SHISA6: variants seen among roughly 807,000 people sequenced by gnomAD.
SHISA6 encodes protein shisa-6.
A neutral mutation model predicts 47.9 loss-of-function variants in SHISA6; 22 were observed. The observed-to-expected ratio is 0.46, with a 90% CI of 0.33 to 0.66. SHISA6 has a LOEUF of 0.66. Ranked by LOEUF, SHISA6 falls within the 30% of genes least tolerant of loss-of-function variation. The probability of loss-of-function intolerance (pLI) is 0.02; values close to 1 mark genes in which losing one functional copy is unlikely to be tolerated. For synonymous variants in SHISA6, 388 were observed against 337.8 expected (o/e 1.15, Z -1.63); for missense variants, 680 against 764.6 (o/e 0.89, Z 1.30).
intron 3 of SHISA6, among the ~76,000 whole-genome samples, chr17:11,529,658 A>T (rs2071715946): frequency 6.6e-6 from 1 of 152,200 alleles, no homozygotes; most frequent in South Asian, 2.1e-4. Context: ...CAAAGGACAA[A>T]CCATAGAGGA....
chr17:11,451,488 A>G (rs149012553), intron 3 of SHISA6, among the ~76,000 whole-genome samples: 266 of 152,324 alleles, frequency 1.7e-3, no homozygotes, highest in African/African-American at 6.1e-3. Flanking sequence ...CAAGTAATTA[A>G]GTAACTAGGT....
chr17:11,241,954 G>A lies in SHISA6; in HGVS notation c.532G>A (p.Val178Ile). 6.4e-7 allele frequency: 1 copy of A among 1,550,908 alleles called. No homozygotes were observed. The highest frequency in any genetic ancestry group is 1.2e-5 in the South Asian group (1 of 84,064). The change falls in exon 1 of 6, where the codon GTC (valine) becomes ATC (isoleucine). Residue 178 changes from valine to isoleucine, a missense_variant. Val to Ile is a conservative substitution (Grantham distance 29). Transcript: ENST00000441885. The surrounding 1 kb of genome is among the most constrained non-coding windows in gnomAD (Gnocchi z 5.5). ...DPEKDKTNFT[V>I]YITCGVIAFV... ...GGAGAAGGACAAGACCAACTTCACC[G>A]TCTACATCACCTGCGGGGTGATCGC...
chr17:11,550,843 C>G (rs2071926122), intron 3 of SHISA6, among the ~76,000 whole-genome samples: 1 of 152,120 alleles, frequency 6.6e-6, no homozygotes, highest in Non-Finnish European at 1.5e-5. Context: ...GAAGTCTTCA[C>G]AAAGATGCCT....
At chr17:11,404,393 C>A (rs1045713015) in intron 3 of SHISA6, among the ~76,000 whole-genome samples, 5 of 152,042 alleles carry the variant, frequency 3.3e-5, no homozygotes, top group Non-Finnish European at 7.4e-5. Flanking sequence ...GGACTTCATG[C>A]CTGTATATCC....
intron 3 of SHISA6, among the ~76,000 whole-genome samples, chr17:11,388,835 TATATA>T (rs1208590553): frequency 8.6e-5 from 8 of 92,676 alleles, no homozygotes; most frequent in East Asian, 3.2e-4. Flanking sequence ...TATATATATA[TATATA>T]TTTTAAAAAA....
At chr17:11,274,319 G>T (rs1232893453) in intron 2 of SHISA6, among the ~76,000 whole-genome samples, 1 of 152,236 alleles carries the variant, frequency 6.6e-6, no homozygotes, top group African/African-American at 2.4e-5. Context: ...TTCCCAAAAT[G>T]AGGTGCCGGT....
intron 2 of SHISA6, among the ~76,000 whole-genome samples, chr17:11,357,049 G>C (rs140066347): frequency 0.023 from 3,491 of 152,080 alleles, 112 homozygotes; most frequent in African/African-American, 0.07. Flanking sequence ...GCTGGGCGTG[G>C]TGGCAGGCAC....
At chr17:11,294,775 A>G (rs112340520) in intron 2 of SHISA6, among the ~76,000 whole-genome samples, 6 of 152,110 alleles carry the variant, frequency 3.9e-5, no homozygotes, top group African/African-American at 1.4e-4. Flanking sequence ...TCATAATTTC[A>G]CCACTAAAAG....
At chr17:11,515,366 G>GGAAGGTAGGT (rs1567626495) in intron 3 of SHISA6, among the ~76,000 whole-genome samples, 1 of 127,688 alleles carries the variant, frequency 7.8e-6, no homozygotes, top group African/African-American at 3.1e-5. Flanking sequence ...GGAAGGAAGG[G>GGAAGGTAGGT]AGAGAAAATG....
At chr17:11,460,619 G>A (rs2142313225) in intron 3 of SHISA6, among the ~76,000 whole-genome samples, 1 of 152,290 alleles carries the variant, frequency 6.6e-6, no homozygotes, top group East Asian at 1.9e-4. Context: ...TCGAACTCCT[G>A]CCCTTAGGTG....
chr17:11,363,699 T>C (rs985604507), intron 2 of SHISA6, among the ~76,000 whole-genome samples: 2 of 152,162 alleles, frequency 1.3e-5, no homozygotes, highest in African/African-American at 4.8e-5. Context: ...GCTTGAAGAC[T>C]GGCTGAAACA....
chr17:11,446,413 C>T (rs969248144), intron 3 of SHISA6, among the ~76,000 whole-genome samples: 1 of 152,226 alleles, frequency 6.6e-6, no homozygotes, highest in African/African-American at 2.4e-5. Context: ...TACGAAGACA[C>T]AGCAGCTCTC....
At chr17:11,440,070 T>C (rs1214240317) in intron 3 of SHISA6, among the ~76,000 whole-genome samples, 2 of 152,214 alleles carry the variant, frequency 1.3e-5, no homozygotes, top group African/African-American at 4.8e-5. Flanking sequence ...ATTCAATTCA[T>C]TCATTCATTC....
At chr17:11,361,963 C>G (rs940358970) in intron 2 of SHISA6, among the ~76,000 whole-genome samples, 2 of 152,260 alleles carry the variant, frequency 1.3e-5, no homozygotes, top group East Asian at 3.9e-4. Flanking sequence ...CCTTTTTCCT[C>G]TCTGTTTCAT....
intron 3 of SHISA6, among the ~76,000 whole-genome samples, chr17:11,466,838 A>G (rs1352318025): frequency 6.6e-6 from 1 of 151,866 alleles, no homozygotes; most frequent in African/African-American, 2.4e-5. Context: ...TTCAGAGACC[A>G]CCCCCTGTAA....
intron 2 of SHISA6, among the ~76,000 whole-genome samples, chr17:11,304,273 G>A (rs1336395306): frequency 6.6e-6 from 1 of 152,236 alleles, no homozygotes; most frequent in African/African-American, 2.4e-5. Flanking sequence ...GGGTGGCAGT[G>A]TGAAGTGGTG....
At chr17:11,353,346 AC>A (rs1460265001) in intron 2 of SHISA6, among the ~76,000 whole-genome samples, 9 of 151,630 alleles carry the variant, frequency 5.9e-5, no homozygotes, top group Non-Finnish European at 2.9e-5. Flanking sequence ...AGTCCCAGCT[AC>A]TCGGGAGGCT....
chr17:11,447,737 T>C (rs202001752), intron 3 of SHISA6, among the ~76,000 whole-genome samples: 1 of 152,262 alleles, frequency 6.6e-6, no homozygotes, highest in East Asian at 1.9e-4. Flanking sequence ...ATAAGCTTTG[T>C]CATCATCTCC....
chr17:11,515,931 C>T lies in SHISA6; in HGVS notation c.896-35965C>T, dbSNP rs16944932. On this transcript the variant is annotated intron_variant, in intron 3 of 5. Transcript: ENST00000441885. Reference sequence around the variant, plus strand: ...TGGCTGTGAGCTTTGAAGCTTCCCTCGCCCACAGTTCTCTGCTTAATCTTT... The same window carrying T: ...TGGCTGTGAGCTTTGAAGCTTCCCTTGCCCACAGTTCTCTGCTTAATCTTT... 4.9e-3 allele frequency among the ~76,000 whole-genome samples: 741 copies of T among 152,282 alleles called. 22 individuals carry two copies. The East Asian group carries it at 0.086, about 18-fold the overall frequency.
Sources: gnomAD v4.1 joint callset for allele counts (sites outside exome capture counted in the v4.1 genomes callset) on GRCh38, gnomAD v4.1.1 for gene constraint, Gnocchi (gnomAD v3.1) non-coding constraint, MANE v1.5 for transcripts, NCBI Gene and HGNC (gene_info 2026-07-23, HGNC 2026-07-21) for gene names.